Variants in GNB1 observed in about 807,000 individuals in gnomAD.
The protein encoded by GNB1 is guanine nucleotide-binding protein G(I)/G(S)/G(T) subunit beta-1.
In GNB1, 2 loss-of-function variants were observed where a neutral mutation model predicts 42.9. That is an observed-to-expected ratio of 0.05 (90% CI 0.02 to 0.15). The LOEUF (loss-of-function observed/expected upper bound fraction) is 0.15. Among genes scored for constraint, GNB1 ranks in the 10% least tolerant of loss-of-function variants. The pLI is 1.00. For missense variants in GNB1, 193 were observed against 462.2 expected (o/e 0.42, Z 5.34); for synonymous variants, 183 against 174.7 (o/e 1.05, Z -0.38).
In GNB1 at chr1:1,802,321, G is replaced by A. The variant is rs149387968; in HGVS notation, c.430+2098C>T. 3.3e-5 allele frequency among the ~76,000 whole-genome samples: 5 copies of A among 152,232 alleles called. No individual in the cohort carries two copies. The East Asian group carries it at 9.6e-4, about 29-fold the overall frequency. The stretch of plus-strand genomic sequence containing the variant: ...GCCTCAAATGTCAAAGGACTGAAAT[G>A]ATACCAAGTGTGTCTTTAAGCACAA... On this transcript the variant is annotated intron_variant, in intron 7 of 11. Transcript: ENST00000378609.
At chr1:1,788,474 T>C (rs1171530966) in intron 10 of GNB1, 3 of 154,910 alleles carry the variant, frequency 1.9e-5, no homozygotes, top group African/African-American at 7.2e-5. Flanking sequence ...GAAAAAGAAA[T>C]GTGTTTAACC....
At chr1:1,837,412 G>A (rs1438301793) in intron 2 of GNB1, among the ~76,000 whole-genome samples, 3 of 151,358 alleles carry the variant, frequency 2.0e-5, no homozygotes, top group South Asian at 2.1e-4. Context: ...CCATCACCAC[G>A]CCTGGCTAAT....
In GNB1 at chr1:1,790,653, C is replaced by T; in HGVS notation, c.498-57G>A. 2 of 1,204,096 alleles carry T rather than the reference C, an allele frequency of 1.7e-6. No homozygotes were observed. Among genetic ancestry groups the T allele is most frequent in the South Asian group, 1.2e-5 (1 of 80,302 alleles). The allele number at this position is 1,204,096 out of a possible 1,614,324, so 74.6% of individuals were successfully genotyped here. On this transcript the variant is annotated intron_variant, in intron 8 of 11. Coordinates refer to ENST00000378609, the MANE Select transcript of GNB1 (RefSeq NM_002074.5). The surrounding 1 kb of genome is among the most constrained non-coding windows in gnomAD (Gnocchi z 5.4). ...AGCCTTAACTTCTTGGGTGGCTAGT[C>T]ATGTGACAGACAATCTGTCCTTCAA...
intron 5 of GNB1, among the ~76,000 whole-genome samples, chr1:1,807,466 A>T (rs1466332865): frequency 9.8e-6 from 1 of 101,654 alleles, no homozygotes; most frequent in African/African-American, 3.3e-5. Flanking sequence ...CCTGACTGAA[A>T]AAAAAAAAAA....
rs980838637 is a variant in GNB1, at chr1:1,785,730, C to T, written c.*1333G>A. 2 of 350,462 alleles carry T rather than the reference C, an allele frequency of 5.7e-6. No homozygotes were observed. Among genetic ancestry groups the T allele is most frequent in the African/African-American group, 4.2e-5 (2 of 47,730 alleles). 21.7% of individuals were successfully genotyped at this position (350,462 alleles called of 1,614,324 possible). On this transcript the variant is annotated 3_prime_UTR_variant, in exon 12 of 12. Transcript: ENST00000378609. ...TGAAGAATCCATATAGGAGGGCAGG[C>T]TCTTCACTCCCTCTCCCTCCCTCTC... is the stretch of plus-strand genomic sequence containing the variant.
At chr1:1,828,333 A>G (rs1005417654) in intron 2 of GNB1, among the ~76,000 whole-genome samples, 2 of 152,104 alleles carry the variant, frequency 1.3e-5, no homozygotes, top group African/African-American at 4.8e-5. Context: ...AGAAAAAAAG[A>G]GATGTTTCTT....
intron 1 of GNB1, among the ~76,000 whole-genome samples, chr1:1,860,697 A>T (rs1648573709): frequency 1.3e-5 from 2 of 151,696 alleles, no homozygotes; most frequent in South Asian, 4.2e-4. Context: ...TGGGCAACAG[A>T]GCAAGACTCT....
intron 5 of GNB1, among the ~76,000 whole-genome samples, chr1:1,808,325 T>C (rs1387981336): frequency 6.6e-5 from 10 of 152,070 alleles, no homozygotes; most frequent in Admixed American, 6.6e-4. Context: ...TTCATAACTA[T>C]TTCCTTGCTC....
intron 1 of GNB1, among the ~76,000 whole-genome samples, chr1:1,840,165 T>C (rs1044033983): frequency 2.1e-4 from 32 of 149,238 alleles, no homozygotes; most frequent in African/African-American, 7.7e-4. Context: ...AAGGTGGAGG[T>C]TGTAGTGAGT....
intron 2 of GNB1, among the ~76,000 whole-genome samples, chr1:1,834,027 C>A (rs1647112160): frequency 6.6e-6 from 1 of 152,078 alleles, no homozygotes; most frequent in African/African-American, 2.4e-5. Flanking sequence ...AACAAATAAA[C>A]TTCAAGGGAA....
intron 1 of GNB1, among the ~76,000 whole-genome samples, chr1:1,875,439 C>T (rs568971770): frequency 1.2e-4 from 19 of 152,240 alleles, no homozygotes; most frequent in South Asian, 2.1e-4. Flanking sequence ...GTGATCCACC[C>T]GCTGTGGCCT....
chr1:1,793,902 C>T (rs557823494), intron 7 of GNB1: 4 of 153,500 alleles, frequency 2.6e-5, no homozygotes, highest in South Asian at 4.1e-4. Context: ...CAGGAGGCGG[C>T]GAGGCCACAG....
Position 1,790,269 on chromosome 1 carries a change from C to T in GNB1, c.699+126G>A. 2 of 665,176 alleles carry T rather than the reference C, an allele frequency of 3.0e-6. No individual in the cohort carries two copies. Among genetic ancestry groups the T allele is most frequent in the Non-Finnish European group, 2.7e-6 (1 of 375,628 alleles). 41.2% of individuals were successfully genotyped at this position (665,176 alleles called of 1,614,324 possible). On this transcript the variant is annotated intron_variant, in intron 9 of 11. Transcript: ENST00000378609. The surrounding 1 kb of genome is among the most constrained non-coding windows in gnomAD (Gnocchi z 5.4). ...CATCGGGAGTTTTCTGTATCCCCAT[C>T]TGTACATGAGGTTGTATAAGGATCA...
intron 3 of GNB1, 81 bp downstream of exon 3, chr1:1,825,316 G>A: frequency 1.0e-6 from 1 of 965,336 alleles, no homozygotes; most frequent in Non-Finnish European, 1.7e-6. Flanking sequence ...AAGTCATCCT[G>A]TAAACCATTT....
Position 1,852,386 on chromosome 1 carries a change from G to C in GNB1, c.-95-13148C>G, listed in dbSNP as rs191621683. On this transcript the variant is annotated intron_variant, in intron 1 of 11. Coordinates refer to ENST00000378609, the MANE Select transcript of GNB1 (RefSeq NM_002074.5). ...TGGGACTATAGACGCCCGCCACCAC[G>C]CCTGGCTAATTTTTTTTGTATTTTT... Among the ~76,000 whole-genome samples the C allele has an allele frequency of 8.2e-3, 1,248 of 152,068 alleles. 21 individuals are homozygous for C. Among genetic ancestry groups the C allele is most frequent in the African/African-American group, 0.029 (1,211 of 41,490 alleles).
rs535646327 is a variant in GNB1 at position 1,859,798 on chromosome 1, C to T, written c.-95-20560G>A. ...CCGAGAGGCGGGCAAATCAGGAGGT[C>T]AGGAGATCGAGATCGACCATCCTTG... On this transcript the variant is annotated intron_variant, in intron 1 of 11. Coordinates refer to ENST00000378609, the MANE Select transcript of GNB1 (RefSeq NM_002074.5). Among the ~76,000 whole-genome samples, 633 of 150,636 alleles carry T rather than the reference C, an allele frequency of 4.2e-3. 2 individuals are homozygous for T. The highest frequency in any genetic ancestry group is 6.2e-3 in the Non-Finnish European group (421 of 67,862).
intron 2 of GNB1, among the ~76,000 whole-genome samples, chr1:1,825,881 A>T (rs1253576475): frequency 6.6e-6 from 1 of 151,830 alleles, no homozygotes; most frequent in Non-Finnish European, 1.5e-5. Context: ...AAAAAAAAGG[A>T]AAGTCTGAGA....
At chr1:1,862,191 C>T (rs1330642035) in intron 1 of GNB1, among the ~76,000 whole-genome samples, 1 of 152,110 alleles carries the variant, frequency 6.6e-6, no homozygotes, top group Admixed American at 6.6e-5. Flanking sequence ...CACTGCACTC[C>T]GCCTGGGTAA....
At chr1:1,877,168 T>G (rs1435953099) in intron 1 of GNB1, among the ~76,000 whole-genome samples, 2 of 151,534 alleles carry the variant, frequency 1.3e-5, no homozygotes, top group South Asian at 2.1e-4. Flanking sequence ...GGCATGGTGG[T>G]GTATGCCTGT....
Sources: gnomAD v4.1 joint callset for allele counts (sites outside exome capture counted in the v4.1 genomes callset) on GRCh38, gnomAD v4.1.1 for gene constraint, Gnocchi (gnomAD v3.1) non-coding constraint, MANE v1.5 for transcripts, NCBI Gene and HGNC (gene_info 2026-07-23, HGNC 2026-07-21) for gene names.